Variants in USH2A observed in about 807,000 individuals in gnomAD.
USH2A encodes usherin.
A neutral mutation model predicts 538.9 loss-of-function variants in USH2A; 443 were observed. The observed-to-expected ratio is 0.82, with a 90% CI of 0.76 to 0.89. USH2A has a LOEUF of 0.89. Ranked by LOEUF, USH2A falls within the 40% of genes least tolerant of loss-of-function variation. USH2A has a pLI of 0.00. For missense variants in USH2A, 6,633 were observed against 6,324.8 expected (o/e 1.05, Z -1.65); for synonymous variants, 2,413 against 2,273.5 (o/e 1.06, Z -1.75).
chr1:215,867,309 A>G (rs1664501110), intron 43 of USH2A, 139 bp from the exon 44 acceptor site: 1 of 954,566 alleles, frequency 1.0e-6, no homozygotes. Context: ...TCCTCCCTAG[A>G]AAATACATTA....
At chr1:215,715,968 T>C (rs2102702373) in intron 61 of USH2A, among the ~76,000 whole-genome samples, 1 of 152,344 alleles carries the variant, frequency 6.6e-6, no homozygotes, top group Non-Finnish European at 1.5e-5. Context: ...CTCCATCTCC[T>C]ACGGAATGGT....
intron 11 of USH2A, among the ~76,000 whole-genome samples, chr1:216,255,147 G>T (rs1442132291): frequency 6.6e-6 from 1 of 152,066 alleles, no homozygotes; most frequent in East Asian, 1.9e-4. Context: ...TGCAATCTTG[G>T]TCTTATAAAT....
chr1:216,289,923 C>A (rs976862617), intron 10 of USH2A, among the ~76,000 whole-genome samples: 1 of 151,800 alleles, frequency 6.6e-6, no homozygotes, highest in Non-Finnish European at 1.5e-5. Flanking sequence ...ATGTTAGTGG[C>A]CATTATTTTT....
intron 55 of USH2A, among the ~76,000 whole-genome samples, chr1:215,777,927 G>T (rs754018547): frequency 5.7e-4 from 87 of 152,082 alleles, no homozygotes; most frequent in Non-Finnish European, 1.1e-3. Flanking sequence ...GCACCACATA[G>T]AAGTAAGGTT....
At chr1:216,253,225 T>C (rs1308325082) in intron 11 of USH2A, among the ~76,000 whole-genome samples, 1 of 151,790 alleles carries the variant, frequency 6.6e-6, no homozygotes, top group East Asian at 1.9e-4. Context: ...GCCTGCAAAT[T>C]TGGAGTACAA....
intron 61 of USH2A, among the ~76,000 whole-genome samples, chr1:215,699,321 T>C (rs1292348507): frequency 1.3e-5 from 2 of 152,196 alleles, no homozygotes; most frequent in African/African-American, 2.4e-5. Context: ...TGGTTCCATA[T>C]GAAATTTAAA....
intron 64 of USH2A, among the ~76,000 whole-genome samples, chr1:215,652,763 T>C (rs1462950654): frequency 6.6e-6 from 1 of 152,142 alleles, no homozygotes; most frequent in African/African-American, 2.4e-5. Flanking sequence ...AATGACAAGA[T>C]TTAAAACAAT....
intron 30 of USH2A, among the ~76,000 whole-genome samples, chr1:216,067,475 A>G (rs942885127): frequency 1.3e-5 from 2 of 151,094 alleles, no homozygotes; most frequent in Admixed American, 6.6e-5. Context: ...GCTCTGTAGA[A>G]TACACTCACG....
chr1:216,149,840 G>T (rs571826365), intron 21 of USH2A, among the ~76,000 whole-genome samples: 87 of 152,176 alleles, frequency 5.7e-4, no homozygotes, highest in African/African-American at 2.0e-3. Flanking sequence ...ATAGTACCCC[G>T]ACTGCCGTCC....
chr1:216,246,017 G>T (rs1330686300), intron 13 of USH2A, among the ~76,000 whole-genome samples: 1 of 152,158 alleles, frequency 6.6e-6, no homozygotes, highest in Admixed American at 6.6e-5. Flanking sequence ...GCCATAGATG[G>T]GGTCTATCCC....
intron 51 of USH2A, among the ~76,000 whole-genome samples, chr1:215,789,632 C>T (rs573277754): frequency 6.6e-5 from 10 of 152,210 alleles, no homozygotes; most frequent in East Asian, 3.9e-4. Flanking sequence ...TGCAACTAAG[C>T]GAATTTGCTG....
chr1:216,103,494 G>A (rs910098059), intron 21 of USH2A, among the ~76,000 whole-genome samples: 3 of 152,150 alleles, frequency 2.0e-5, no homozygotes, highest in Non-Finnish European at 4.4e-5. Context: ...CAAAGCTATT[G>A]TAAGAACAAA....
intron 4 of USH2A, among the ~76,000 whole-genome samples, chr1:216,362,254 G>A (rs1257251132): frequency 6.6e-6 from 1 of 151,848 alleles, no homozygotes; most frequent in Non-Finnish European, 1.5e-5. Flanking sequence ...AATAAATAAG[G>A]AATTATAGAG....
At chr1:215,785,036 CTCTA>C (rs1661757498) in intron 52 of USH2A, among the ~76,000 whole-genome samples, 1 of 152,266 alleles carries the variant, frequency 6.6e-6, no homozygotes, top group Admixed American at 6.5e-5. Context: ...ACAAATTGTC[CTCTA>C]TCTGAGGCCT....
At chr1:216,204,008 C>T (rs1383636691) in intron 16 of USH2A, 1 of 163,900 alleles carries the variant, frequency 6.1e-6, no homozygotes, top group Non-Finnish European at 1.5e-5. Context: ...ATTTTTCTCT[C>T]TTCTAATTTG....
intron 21 of USH2A, among the ~76,000 whole-genome samples, chr1:216,101,625 G>C (rs965101763): frequency 7.2e-5 from 11 of 152,182 alleles, no homozygotes; most frequent in African/African-American, 2.7e-4. Flanking sequence ...TTTAATGTTT[G>C]TGTTAAGCTG....
intron 41 of USH2A, among the ~76,000 whole-genome samples, chr1:215,885,221 A>G (rs1006368398): frequency 2.7e-5 from 4 of 148,204 alleles, no homozygotes; most frequent in Non-Finnish European, 5.9e-5. Flanking sequence ...TTCTGCATCT[A>G]TTGATAAAAA....
intron 38 of USH2A, among the ~76,000 whole-genome samples, chr1:215,911,973 G>T (rs1665795909): frequency 6.6e-6 from 1 of 151,994 alleles, no homozygotes; most frequent in Admixed American, 6.6e-5. Context: ...ATGATGCTGA[G>T]CACCTTTTCA....
chr1:215,954,836 T>C (rs1170848135), intron 37 of USH2A, among the ~76,000 whole-genome samples: 4 of 152,196 alleles, frequency 2.6e-5, no homozygotes. Context: ...TCTAACTTTC[T>C]AGTCTCATCT....
Sources: gnomAD v4.1 joint callset for allele counts (sites outside exome capture counted in the v4.1 genomes callset) on GRCh38, gnomAD v4.1.1 for gene constraint, MANE v1.5 for transcripts, NCBI Gene and HGNC (gene_info 2026-07-23, HGNC 2026-07-21) for gene names.